The following NADK2 variants were observed in gnomAD, a reference collection of about 807,000 sequenced individuals.
The protein encoded by NADK2 is NAD kinase domain-containing protein 1, mitochondrial.
In NADK2, 35 loss-of-function variants were observed where a neutral mutation model predicts 62.1. The observed-to-expected ratio is 0.56, with a 90% CI of 0.43 to 0.75. The LOEUF (loss-of-function observed/expected upper bound fraction) is 0.75, where lower values mean the gene tolerates loss of function less well. Among genes scored for constraint, NADK2 ranks in the 30% least tolerant of loss-of-function variants. NADK2 has a pLI of 0.00. For synonymous variants in NADK2, 205 were observed against 207.9 expected (o/e 0.99, Z 0.12); for missense variants, 439 against 561.3 (o/e 0.78, Z 2.20).
At chr5:36,225,724 C>A in intron 3 of NADK2, 101 bp from the exon 4 acceptor site, 1 of 918,872 alleles carries the variant, frequency 1.1e-6, no homozygotes, top group East Asian at 2.5e-5. Context: ...TCATACCCCA[C>A]CCTGCTAACC....
chr5:36,241,422 G>T lies in NADK2; in HGVS notation c.300+77C>A, dbSNP rs1748115563. 6 of 1,436,180 alleles carry T rather than the reference G, an allele frequency of 4.2e-6. 1 individual carries two copies. Among genetic ancestry groups the T allele is most frequent in the Admixed American group, 5.1e-5 (2 of 38,862 alleles). The allele number at this position is 1,436,180 out of a possible 1,614,324, so 89.0% of individuals were successfully genotyped here. A position where few individuals can be genotyped will look rare whatever the true frequency, so the allele number is the denominator to read the frequency against. Reference sequence around the variant, plus strand: ...GCCCTGGGAAGAGTCGTCCCGAGAGGTCCCCCCGAGGGGGCGCAGCCGCCA... The same window carrying T: ...GCCCTGGGAAGAGTCGTCCCGAGAGTTCCCCCCGAGGGGGCGCAGCCGCCA... On this transcript the variant is annotated intron_variant, in intron 1 of 11. Transcript: ENST00000381937. The surrounding 1 kb of genome is among the most constrained non-coding windows in gnomAD (Gnocchi z 4.9).
chr5:36,241,909 G>C lies in NADK2; in HGVS notation c.-111C>G. The stretch of plus-strand genomic sequence containing the variant: ...CCGGGCCTCTAACTTCGCGCCGGAC[G>C]GGCAGAGGTTAAGTGCCAGGACGTG... On this transcript the variant is annotated 5_prime_UTR_variant, in exon 1 of 12. Transcript: ENST00000381937. This position sits in a 1 kb window ranked among gnomAD's most constrained non-coding sequence, Gnocchi z 4.9. 2.2e-6 allele frequency: 2 copies of C among 920,856 alleles called. No homozygotes were observed. The highest frequency in any genetic ancestry group is 4.5e-5 in the South Asian group (1 of 22,052). 57.0% of individuals were successfully genotyped at this position (920,856 alleles called of 1,614,324 possible).
chr5:36,233,207 G>T (rs1747773455), intron 1 of NADK2, among the ~76,000 whole-genome samples: 1 of 152,132 alleles, frequency 6.6e-6, no homozygotes. Flanking sequence ...CTTGCCTCCA[G>T]ATTTTCTAAA....
In NADK2 at chr5:36,198,066, GATAATAAGCAAACAGCTTGAT is replaced by G. The variant is rs141823026; in HGVS notation, c.1067-423_1067-403del. Among the ~76,000 whole-genome samples, 1,825 of 152,112 alleles carry G rather than the reference GATAATAAGCAAACAGCTTGAT, an allele frequency of 0.012. 136 individuals carry two copies. The East Asian group carries it at 0.21, about 17-fold the overall frequency. ...ACCATGTCAAAGAGCTCATAACGAT[GATAATAAGCAAACAGCTTGAT>G]ATAAAATGCAGTCTCAAACAATGAC... On this transcript the variant is annotated intron_variant, in intron 10 of 11. Coordinates refer to ENST00000381937, the MANE Select transcript of NADK2 (RefSeq NM_001085411.3).
chr5:36,192,880 A>G lies in NADK2; in HGVS notation c.*2264T>C, dbSNP rs1241259316. ...AGGGAAATAAGAAATGTTAAAAAGA[A>G]GAGGTAACAGTGGAGTAATTTTATT... On this transcript the variant is annotated 3_prime_UTR_variant, in exon 12 of 12. Coordinates refer to ENST00000381937, the MANE Select transcript of NADK2 (RefSeq NM_001085411.3). 2.0e-5 allele frequency: 3 copies of G among 152,214 alleles called. No individual in the cohort carries two copies. The highest frequency in any genetic ancestry group is 6.5e-5 in the Admixed American group (1 of 15,282). The allele number at this position is 152,214 out of a possible 1,614,324, so 9.4% of individuals were successfully genotyped here.
chr5:36,230,320 CTT>C (rs762621284), intron 1 of NADK2, among the ~76,000 whole-genome samples: 9 of 152,216 alleles, frequency 5.9e-5, no homozygotes, highest in Non-Finnish European at 1.3e-4. Context: ...AACTCTGACT[CTT>C]TTTAACCCTG....
At position 36,205,410 on chromosome 5, in the gene NADK2, T is replaced by C. The variant is rs1746597421; in HGVS notation, c.956+1760A>G. ...AGGAAGAAGTTGCATTGAGCAAAAA[T>C]AAAAAGCCAAGCGAGAACAAAAAGT... On this transcript the variant is annotated intron_variant, in intron 8 of 11. Coordinates refer to ENST00000381937, the MANE Select transcript of NADK2 (RefSeq NM_001085411.3). The surrounding 1 kb of genome is among the most constrained non-coding windows in gnomAD (Gnocchi z 4.1). 6.6e-6 allele frequency among the ~76,000 whole-genome samples: 1 copy of C among 151,784 alleles called. No homozygotes were observed. Among genetic ancestry groups the C allele is most frequent in the African/African-American group, 2.4e-5 (1 of 41,300 alleles).
intron 11 of NADK2, among the ~76,000 whole-genome samples, chr5:36,196,122 C>T (rs866974168): frequency 1.3e-5 from 2 of 152,080 alleles, no homozygotes; most frequent in East Asian, 1.9e-4. Context: ...AATGTCTTTG[C>T]GCACATATTT....
In NADK2 at chr5:36,225,119, A is replaced by G. The variant is rs565629359; in HGVS notation, c.560+423T>C. On this transcript the variant is annotated intron_variant, in intron 4 of 11. Transcript: ENST00000381937. ...CTACCTGGGAAGCTAAAATGTGAGAACTGGTCCATCCTATAACATAATTTC... is the reference window on the plus strand; with the variant it reads ...CTACCTGGGAAGCTAAAATGTGAGAGCTGGTCCATCCTATAACATAATTTC... Among the ~76,000 whole-genome samples, 10 of 152,294 alleles carry G rather than the reference A, an allele frequency of 6.6e-5. No homozygotes were observed. The South Asian group carries it at 1.9e-3, about 28-fold the overall frequency.
In NADK2 at chr5:36,193,682, T is replaced by C. The variant is rs1243194563; in HGVS notation, c.*1462A>G. ...GTCTACGCAGATACTTTAAGAAAAA[T>C]TGATTCTCTGGATATACATCAAAAC... On this transcript the variant is annotated 3_prime_UTR_variant, in exon 12 of 12. Coordinates refer to ENST00000381937, the MANE Select transcript of NADK2 (RefSeq NM_001085411.3). 5 of 152,266 alleles carry C rather than the reference T, an allele frequency of 3.3e-5. No homozygotes were observed. Among genetic ancestry groups the C allele is most frequent in the Non-Finnish European group, 5.9e-5 (4 of 68,000 alleles). 9.4% of individuals were successfully genotyped at this position (152,266 alleles called of 1,614,324 possible).
chr5:36,242,031 G>T (rs1215975048), upstream of NADK2: 8 of 233,010 alleles, frequency 3.4e-5, no homozygotes, highest in Admixed American at 4.6e-4. Flanking sequence ...GGAGAAAGGT[G>T]GGCGGGGAAG....
chr5:36,225,556 G>T lies in NADK2; in HGVS notation c.546C>A (p.Asn182Lys), dbSNP rs766332767. The change falls in exon 4 of 12, where the codon AAC becomes AAA. Residue 182 changes from asparagine to lysine, a missense_variant. Coordinates refer to ENST00000381937, the MANE Select transcript of NADK2 (RefSeq NM_001085411.3). ...LDRLKPVIGV[N>K]TDPERSEGHL... is the part of the protein sequence containing the mutation. ...TTCTTTCTTACCGTTCTGGATCAGT[G>T]TTTACCCCTATAACTGGTTTAAGTC... 6.2e-7 allele frequency: 1 copy of T among 1,613,482 alleles called. No individual in the cohort carries two copies. The highest frequency in any genetic ancestry group is 8.5e-7 in the Non-Finnish European group (1 of 1,179,614).
intron 7 of NADK2, 125 bp downstream of exon 7, chr5:36,211,715 TTAAA>T (rs1746852517): frequency 8.2e-6 from 6 of 728,200 alleles, no homozygotes; most frequent in Admixed American, 2.5e-5. Context: ...AAATATTTCA[TTAAA>T]TAATGAACTG....
At chr5:36,216,122 C>T (rs1039714083) in intron 6 of NADK2, among the ~76,000 whole-genome samples, 2 of 152,076 alleles carry the variant, frequency 1.3e-5, no homozygotes, top group South Asian at 2.1e-4. Flanking sequence ...TTTTTGATAA[C>T]GGCCATTCTA....
chr5:36,217,061 A>AG (rs1288524103), intron 6 of NADK2, among the ~76,000 whole-genome samples: 1 of 152,182 alleles, frequency 6.6e-6, no homozygotes, highest in Non-Finnish European at 1.5e-5. Flanking sequence ...ATGAGAGAGC[A>AG]GAGGCAGAAA....
At chr5:36,212,454 T>C (rs994717923) in intron 6 of NADK2, 6 of 152,372 alleles carry the variant, frequency 3.9e-5, no homozygotes, top group African/African-American at 1.4e-4. Flanking sequence ...AAAAAAATGT[T>C]TTCTTTTTTT....
At chr5:36,236,958 G>A (rs555442144) in intron 1 of NADK2, among the ~76,000 whole-genome samples, 1 of 151,188 alleles carries the variant, frequency 6.6e-6, no homozygotes, top group South Asian at 2.1e-4. Context: ...TAGACACTGA[G>A]AGATGCAAAT....
chr5:36,208,896 G>A (rs1273826480), intron 7 of NADK2, among the ~76,000 whole-genome samples: 3 of 152,100 alleles, frequency 2.0e-5, no homozygotes, highest in Non-Finnish European at 4.4e-5. Context: ...TCTGATGCTA[G>A]CTAATTATAT....
At position 36,192,690 on chromosome 5, in the gene NADK2, G is replaced by C. The variant is rs979617447; in HGVS notation, c.*2454C>G. 6.6e-6 allele frequency: 1 copy of C among 152,166 alleles called. No homozygotes were observed. The highest frequency in any genetic ancestry group is 2.4e-5 in the African/African-American group (1 of 41,430). The allele number at this position is 152,166 out of a possible 1,614,324, so 9.4% of individuals were successfully genotyped here. The stretch of plus-strand genomic sequence containing the variant: ...CAAAATTATCTGAAGAGCCTACACT[G>C]ACCAGGTAAGCACTTCACCCTGATT... On this transcript the variant is annotated 3_prime_UTR_variant, in exon 12 of 12. Transcript: ENST00000381937.
Sources: gnomAD v4.1 joint callset for allele counts (sites outside exome capture counted in the v4.1 genomes callset) on GRCh38, gnomAD v4.1.1 for gene constraint, Gnocchi (gnomAD v3.1) non-coding constraint, MANE v1.5 for transcripts, NCBI Gene and HGNC (gene_info 2026-07-23, HGNC 2026-07-21) for gene names.